IQSEC1: variants seen among roughly 807,000 people sequenced by gnomAD.
IQSEC1 encodes IQ motif and SEC7 domain-containing protein 1.
A neutral mutation model predicts 91.0 loss-of-function variants in IQSEC1; 31 were observed. The observed-to-expected ratio is 0.34, with a 90% CI of 0.26 to 0.46. The LOEUF is 0.46. Among genes scored for constraint, IQSEC1 ranks in the 20% least tolerant of loss-of-function variants. IQSEC1 has a pLI of 1.00. For missense variants in IQSEC1, 1,388 were observed against 1,575.6 expected (o/e 0.88, Z 2.02); for synonymous variants, 699 against 662.6 (o/e 1.05, Z -0.84).
intron 1 of IQSEC1, among the ~76,000 whole-genome samples, chr3:12,982,406 C>T (rs1223521919): frequency 6.6e-6 from 1 of 152,142 alleles, no homozygotes; most frequent in African/African-American, 2.4e-5. Flanking sequence ...TCAGTCTATC[C>T]ACCAACATGT....
In IQSEC1 at chr3:12,992,180, G is replaced by A. The variant is rs149726822; in HGVS notation, c.24-50315C>T. 2.6e-5 allele frequency among the ~76,000 whole-genome samples: 4 copies of A among 152,254 alleles called. No homozygotes were observed. The highest frequency in any genetic ancestry group is 5.9e-5 in the Non-Finnish European group (4 of 68,002). On this transcript the variant is annotated intron_variant, in intron 1 of 13. Transcript: ENST00000613206. This position sits in a 1 kb window ranked among gnomAD's most constrained non-coding sequence, Gnocchi z 4.1. ...AGGGCCCCTCGGCTCTGAATACGCTGTGTGACCTTGGACATGTCCCTGCCT... is the reference window on the plus strand; with the variant it reads ...AGGGCCCCTCGGCTCTGAATACGCTATGTGACCTTGGACATGTCCCTGCCT...
At chr3:13,048,615 C>T (rs1184818298) in intron 1 of IQSEC1, among the ~76,000 whole-genome samples, 2 of 152,226 alleles carry the variant, frequency 1.3e-5, no homozygotes, top group African/African-American at 2.4e-5. Flanking sequence ...CTTTAGCCTC[C>T]GTTTCCCTAC....
Position 13,193,857 on chromosome 3 carries a change from A to G in IQSEC1, c.273-29724T>C, listed in dbSNP as rs1356962779. On this transcript the variant is annotated intron_variant, in intron 1 of 15. Coordinates refer to the IQSEC1 transcript ENST00000648114. This position sits in a 1 kb window ranked among gnomAD's most constrained non-coding sequence, Gnocchi z 4.2. ...CAGCGGCCAGCAGCTTCCAGTGTCC[A>G]TCAGTCAACCGGGCTGACAAGGACC... Among the ~76,000 whole-genome samples, 1 of 152,170 alleles carries G rather than the reference A, an allele frequency of 6.6e-6. No homozygotes were observed. The highest frequency in any genetic ancestry group is 2.4e-5 in the African/African-American group (1 of 41,442).
intron 3 of IQSEC1, among the ~76,000 whole-genome samples, chr3:12,928,524 C>A (rs1034198284): frequency 1.3e-5 from 2 of 152,164 alleles, no homozygotes; most frequent in Non-Finnish European, 2.9e-5. Flanking sequence ...AGGCCCTCAA[C>A]AGCCTCCCTG....
In IQSEC1 at chr3:13,266,926, C is replaced by T. The variant is rs180974684; in HGVS notation, c.272+15785G>A. On this transcript the variant is annotated intron_variant, in intron 1 of 15. Transcript: ENST00000648114. ...GGACGGCAGGAACGCCCTGGGCCCCCGCTGCACCCCTGACCCCTGGCTGCA... is the reference window on the plus strand; with the variant it reads ...GGACGGCAGGAACGCCCTGGGCCCCTGCTGCACCCCTGACCCCTGGCTGCA... Among the ~76,000 whole-genome samples, 460 of 152,252 alleles carry T rather than the reference C, an allele frequency of 3.0e-3. 3 individuals are homozygous for T. Among genetic ancestry groups the T allele is most frequent in the African/African-American group, 0.01 (431 of 41,554 alleles).
chr3:12,905,152 G>A (rs970006578), intron 12 of IQSEC1, among the ~76,000 whole-genome samples: 1 of 152,246 alleles, frequency 6.6e-6, no homozygotes, highest in Non-Finnish European at 1.5e-5. Context: ...ACCGGCTGAT[G>A]AAGTCAGGCA....
chr3:12,942,371 G>A (rs1240017566), intron 1 of IQSEC1, among the ~76,000 whole-genome samples: 1 of 152,224 alleles, frequency 6.6e-6, no homozygotes, highest in Non-Finnish European at 1.5e-5. Flanking sequence ...GGGAGGCCGA[G>A]GAGGGCGGAT....
intron 2 of IQSEC1, among the ~76,000 whole-genome samples, chr3:13,132,869 T>C (rs1265156657): frequency 1.3e-5 from 2 of 152,214 alleles, no homozygotes; most frequent in African/African-American, 4.8e-5. Flanking sequence ...AAGCGGAGAC[T>C]TCCTTTGCAC....
chr3:12,919,590 A>G (rs1696422231), intron 6 of IQSEC1, among the ~76,000 whole-genome samples: 1 of 152,262 alleles, frequency 6.6e-6, no homozygotes, highest in Non-Finnish European at 1.5e-5. Context: ...CAGCTTTGTC[A>G]GCTCCACACG....
At chr3:13,058,432 T>C (rs771972260) in intron 1 of IQSEC1, among the ~76,000 whole-genome samples, 1 of 152,242 alleles carries the variant, frequency 6.6e-6, no homozygotes, top group African/African-American at 2.4e-5. Context: ...GTATATGACC[T>C]CTGTCCTTCC....
chr3:12,986,155 C>G (rs1701722948), intron 1 of IQSEC1, among the ~76,000 whole-genome samples: 1 of 152,202 alleles, frequency 6.6e-6, no homozygotes, highest in South Asian at 2.1e-4. Context: ...CCCCTGCGCC[C>G]AGGTCACACC....
upstream of IQSEC1, among the ~76,000 whole-genome samples, chr3:13,076,285 C>G (rs538564350): frequency 6.6e-6 from 1 of 152,136 alleles, no homozygotes; most frequent in Non-Finnish European, 1.5e-5. Context: ...CTGTAAGTGC[C>G]CAAGTTCACC....
chr3:12,934,336 C>T (rs781667018), intron 3 of IQSEC1, among the ~76,000 whole-genome samples: 22 of 152,202 alleles, frequency 1.4e-4, no homozygotes, highest in Non-Finnish European at 3.1e-4. Context: ...CTTCCTGAGA[C>T]AGGCCTCTCT....
At position 13,282,481 on chromosome 3, in the gene IQSEC1, C is replaced by G. The variant is rs1287380510; in HGVS notation, c.272+230G>C. On this transcript the variant is annotated intron_variant, in intron 1 of 15. Coordinates refer to the IQSEC1 transcript ENST00000648114. The surrounding 1 kb of genome is among the most constrained non-coding windows in gnomAD (Gnocchi z 6.4). The stretch of plus-strand genomic sequence containing the variant: ...GAGCGCTGAGCAGCTCCCTGGAGCC[C>G]TTTTCCAGGGAACCCAGTCCCCACC... Among the ~76,000 whole-genome samples, 2 of 152,036 alleles carry G rather than the reference C, an allele frequency of 1.3e-5. No individual in the cohort carries two copies. The highest frequency in any genetic ancestry group is 2.9e-5 in the Non-Finnish European group (2 of 67,940).
At chr3:13,097,156 G>A (rs953595926) in intron 2 of IQSEC1, among the ~76,000 whole-genome samples, 6 of 152,222 alleles carry the variant, frequency 3.9e-5, no homozygotes, top group East Asian at 3.9e-4. Flanking sequence ...CACCGCGCCC[G>A]GCCTAGGCCT....
At chr3:13,185,405 C>T (rs1272616506) in intron 1 of IQSEC1, among the ~76,000 whole-genome samples, 1 of 152,182 alleles carries the variant, frequency 6.6e-6, no homozygotes, top group Admixed American at 6.5e-5. Context: ...CTGTCTTGTT[C>T]CTTTGTCTAC....
In IQSEC1 at chr3:13,282,621, G is replaced by A. The variant is rs1695817061; in HGVS notation, c.272+90C>T. Among the ~76,000 whole-genome samples, 1 of 148,544 alleles carries A rather than the reference G, an allele frequency of 6.7e-6. No individual in the cohort carries two copies. Among genetic ancestry groups the A allele is most frequent in the Admixed American group, 6.6e-5 (1 of 15,076 alleles). On this transcript the variant is annotated intron_variant, in intron 1 of 15. Coordinates refer to the IQSEC1 transcript ENST00000648114. This position sits in a 1 kb window ranked among gnomAD's most constrained non-coding sequence, Gnocchi z 6.4. ...GCCGGCCACGCGCCCTCCCGCACCC[G>A]CCCACCTCCCCGCCAAGCCCCGAGG...
chr3:13,151,724 G>C (rs1707002939), intron 2 of IQSEC1, among the ~76,000 whole-genome samples: 1 of 152,232 alleles, frequency 6.6e-6, no homozygotes, highest in South Asian at 2.1e-4. Flanking sequence ...CCAGCACTTT[G>C]GGAGGCCGAG....
chr3:13,050,477 C>CT (rs1373712550), intron 1 of IQSEC1, among the ~76,000 whole-genome samples: 1 of 152,196 alleles, frequency 6.6e-6, no homozygotes, highest in African/African-American at 2.4e-5. Context: ...AGTAAAAGGG[C>CT]TTTGCAAACC....
Sources: gnomAD v4.1 joint callset for allele counts (sites outside exome capture counted in the v4.1 genomes callset) on GRCh38, gnomAD v4.1.1 for gene constraint, Gnocchi (gnomAD v3.1) non-coding constraint, MANE v1.5 for transcripts, NCBI Gene and HGNC (gene_info 2026-07-23, HGNC 2026-07-21) for gene names.